CRLF3: variants seen among roughly 807,000 people sequenced by gnomAD.
The protein encoded by CRLF3 is cytokine receptor like factor 3, also known as cytokine receptor-like factor 3.
A neutral mutation model predicts 55.0 loss-of-function variants in CRLF3; 33 were observed. That is an observed-to-expected ratio of 0.60 (90% CI 0.46 to 0.80). The LOEUF is 0.80. Ranked by LOEUF, CRLF3 falls within the 30% of genes least tolerant of loss-of-function variation. The pLI is 0.00. For missense variants in CRLF3, 494 were observed against 538.4 expected (o/e 0.92, Z 0.82); for synonymous variants, 238 against 196.8 (o/e 1.21, Z -1.75).
chr17:30,804,673 A>G (rs1904335103), intron 1 of CRLF3, among the ~76,000 whole-genome samples: 1 of 152,176 alleles, frequency 6.6e-6, no homozygotes, highest in Non-Finnish European at 1.5e-5. Flanking sequence ...TTCTCTTTTA[A>G]GGTTGAATGG....
chr17:30,800,302 T>C (rs1971986918), intron 2 of CRLF3, among the ~76,000 whole-genome samples: 1 of 152,192 alleles, frequency 6.6e-6, no homozygotes, highest in Admixed American at 6.5e-5. Flanking sequence ...TCAGATTTGA[T>C]ATATATGCCA....
chr17:30,814,944 C>G (rs1029564533), intron 1 of CRLF3, among the ~76,000 whole-genome samples: 2 of 150,658 alleles, frequency 1.3e-5, no homozygotes, highest in African/African-American at 4.9e-5. Context: ...CGGAAGTTGC[C>G]GTGAGCCAAT....
In CRLF3 at chr17:30,783,483, G is replaced by GT. The variant is rs1971550106; in HGVS notation, c.*703_*704insA. The GT allele has an allele frequency of 6.6e-6, 1 of 152,208 alleles. No homozygotes were observed. Among genetic ancestry groups the GT allele is most frequent in the African/African-American group, 2.4e-5 (1 of 41,446 alleles). The allele number at this position is 152,208 out of a possible 1,614,324, so 9.4% of individuals were successfully genotyped here. On this transcript the variant is annotated 3_prime_UTR_variant, in exon 8 of 8. Transcript: ENST00000324238. The stretch of plus-strand genomic sequence containing the variant: ...AATACAAAAATTAGCCAGGTGTGGT[G>GT]GCCGACGCCTGTAATCCCAGCTACT...
intron 2 of CRLF3, chr17:30,801,483 TGTA>T (rs1468118331): frequency 6.6e-6 from 1 of 151,996 alleles, no homozygotes; most frequent in Non-Finnish European, 1.5e-5. Flanking sequence ...CAGGCTGGAG[TGTA>T]GTGTTGTGAT....
chr17:30,789,142 A>G (rs775267158), intron 6 of CRLF3, among the ~76,000 whole-genome samples: 2 of 152,134 alleles, frequency 1.3e-5, no homozygotes, highest in African/African-American at 2.4e-5. Flanking sequence ...CAAAAATGCA[A>G]AAGGCTGGCT....
At chr17:30,803,867 A>C (rs1365004065) in intron 2 of CRLF3, 34 bp downstream of exon 2, 1 of 1,466,246 alleles carries the variant, frequency 6.8e-7, no homozygotes, top group East Asian at 2.3e-5. Flanking sequence ...AAATGGACGA[A>C]TGCACTAATA....
chr17:30,812,595 G>A (rs1373807453), intron 1 of CRLF3, among the ~76,000 whole-genome samples: 1 of 152,106 alleles, frequency 6.6e-6, no homozygotes, highest in African/African-American at 2.4e-5. Context: ...TATATGATTT[G>A]GTAATCTGTT....
At chr17:30,792,349 A>G (rs906626824) in intron 6 of CRLF3, 91 bp downstream of exon 6, 1 of 1,225,872 alleles carries the variant, frequency 8.2e-7, no homozygotes, top group African/African-American at 1.5e-5. Context: ...GACGGAATAA[A>G]CTCAGGATGT....
chr17:30,783,431 A>C lies in CRLF3; in HGVS notation c.*756T>G, dbSNP rs1218151059. The C allele has an allele frequency of 6.6e-6, 1 of 152,254 alleles. No individual in the cohort carries two copies. 9.4% of individuals were successfully genotyped at this position (152,254 alleles called of 1,614,324 possible). On this transcript the variant is annotated 3_prime_UTR_variant, in exon 8 of 8. Transcript: ENST00000324238. Reference sequence around the variant, plus strand: ...CAGGAGTTCAAGACCAGCCTGGCCAACATGGTGAAACCCTGTCTCTACTAA... The same window carrying C: ...CAGGAGTTCAAGACCAGCCTGGCCACCATGGTGAAACCCTGTCTCTACTAA...
At chr17:30,791,437 C>G (rs1168045488) in intron 6 of CRLF3, among the ~76,000 whole-genome samples, 2 of 151,802 alleles carry the variant, frequency 1.3e-5, no homozygotes, top group East Asian at 3.9e-4. Flanking sequence ...GAACTCCTGA[C>G]CACAAGTGAT....
At chr17:30,802,181 G>A (rs2142261033) in intron 2 of CRLF3, among the ~76,000 whole-genome samples, 1 of 152,006 alleles carries the variant, frequency 6.6e-6, no homozygotes, top group Non-Finnish European at 1.5e-5. Flanking sequence ...GGAGTGCAGT[G>A]GTGCAATCTC....
rs561572725 is a variant in CRLF3, at chr17:30,803,397, T to G, written c.337+504A>C. Among the ~76,000 whole-genome samples the G allele has an allele frequency of 2.2e-4, 34 of 152,288 alleles. 1 individual carries two copies. Among genetic ancestry groups the G allele is most frequent in the South Asian group, 2.1e-3 (10 of 4,826 alleles). ...ACCTAACGGTATATCTGTCATCCTA[T>G]ATTACAAACTGTCTCTAGGTAAGAA... On this transcript the variant is annotated intron_variant, in intron 2 of 7. Coordinates refer to ENST00000324238, the MANE Select transcript of CRLF3 (RefSeq NM_015986.4).
intron 4 of CRLF3, among the ~76,000 whole-genome samples, chr17:30,794,516 G>C (rs1971875003): frequency 6.6e-6 from 1 of 152,152 alleles, no homozygotes; most frequent in African/African-American, 2.4e-5. Flanking sequence ...ACCACAACAA[G>C]GCCAGACATG....
intron 6 of CRLF3, among the ~76,000 whole-genome samples, chr17:30,791,238 T>C (rs1370937736): frequency 6.6e-6 from 1 of 151,838 alleles, no homozygotes; most frequent in Non-Finnish European, 1.5e-5. Context: ...ATCCAGCTAA[T>C]TTTTGTATTT....
intron 1 of CRLF3, among the ~76,000 whole-genome samples, chr17:30,812,775 A>G (rs1412588184): frequency 6.6e-6 from 1 of 152,138 alleles, no homozygotes; most frequent in African/African-American, 2.4e-5. Context: ...ATCCTTCAGA[A>G]GACCTGTCAA....
intron 6 of CRLF3, 161 bp from the exon 7 acceptor site, chr17:30,786,192 A>T: frequency 1.9e-6 from 1 of 536,620 alleles, no homozygotes; most frequent in Non-Finnish European, 3.3e-6. Flanking sequence ...GCACTGTTCT[A>T]ATTATTTTAT....
chr17:30,796,163 A>C lies in CRLF3; in HGVS notation c.600T>G (p.Cys200Trp), dbSNP rs754162157. 6.2e-7 allele frequency: 1 copy of C among 1,608,030 alleles called. No homozygotes were observed. Among genetic ancestry groups the C allele is most frequent in the Non-Finnish European group, 8.5e-7 (1 of 1,176,484 alleles). Residue 200 changes from cysteine to tryptophan, a missense_variant, in exon 4 of 8, where the codon TGT (cysteine) becomes TGG (tryptophan). By Grantham distance (215) the Cys-to-Trp change is radical. Transcript: ENST00000324238. Reference protein sequence around the residue: ...EKPGGIIVRWCKVDDDFTAQD... With the variant: ...EKPGGIIVRWWKVDDDFTAQD... ...TCTAGAATTCTGAATTACATACCTTACACCATCGTACAATGATGCCTCCAG... is the reference window on the plus strand; with the variant it reads ...TCTAGAATTCTGAATTACATACCTTCCACCATCGTACAATGATGCCTCCAG...
chr17:30,801,434 AT>A (rs965040633), intron 2 of CRLF3: 3 of 150,556 alleles, frequency 2.0e-5, no homozygotes, highest in Non-Finnish European at 3.0e-5. Context: ...GTTTCTAATA[AT>A]TTTTTTTTAT....
intron 1 of CRLF3, among the ~76,000 whole-genome samples, chr17:30,813,409 C>G (rs1412310952): frequency 6.6e-6 from 1 of 152,224 alleles, no homozygotes; most frequent in South Asian, 2.1e-4. Flanking sequence ...GAATTATGTT[C>G]TTACATATCT....
Sources: allele counts gnomAD v4.1 joint callset (sites outside exome capture counted in the v4.1 genomes callset), GRCh38; gene constraint gnomAD v4.1.1; transcripts MANE v1.5; gene names NCBI Gene and HGNC (gene_info 2026-07-23, HGNC 2026-07-21).